Variants in TXNRD2 observed in about 807,000 individuals in gnomAD.
TXNRD2 encodes the protein thioredoxin reductase 2, mitochondrial.
In TXNRD2, 67 loss-of-function variants were observed where a neutral mutation model predicts 70.8. That is an observed-to-expected ratio of 0.95 (90% CI 0.78 to 1.16). The LOEUF is 1.16. Ranked by LOEUF, TXNRD2 falls within the 50% of genes most tolerant of loss-of-function variation. TXNRD2 has a pLI of 0.00. For missense variants in TXNRD2, 644 were observed against 719.9 expected (o/e 0.89, Z 1.21); for synonymous variants, 301 against 295.8 (o/e 1.02, Z -0.18).
rs1938744345 is a variant in TXNRD2 at position 19,880,849 on chromosome 22, G to A, written c.1087-132C>T. On this transcript the variant is annotated intron_variant, in intron 12 of 17. Coordinates refer to ENST00000400521, the MANE Select transcript of TXNRD2 (RefSeq NM_006440.5). ...CCCCAACACTGGCACCGAGCATGGT[G>A]ACGTACAGCATTCCCCCTAGAGCTC... 16 of 665,582 alleles carry A rather than the reference G, an allele frequency of 2.4e-5. No individual in the cohort carries two copies. In the South Asian group the frequency reaches 2.8e-4, roughly 12 times the overall value. 41.2% of individuals were successfully genotyped at this position (665,582 alleles called of 1,614,324 possible).
chr22:19,937,371 A>G (rs1230336073), intron 1 of TXNRD2, among the ~76,000 whole-genome samples: 2 of 152,218 alleles, frequency 1.3e-5, no homozygotes, highest in African/African-American at 2.4e-5. Context: ...ACAGGGTCAC[A>G]ATGAATTATA....
intron 2 of TXNRD2, among the ~76,000 whole-genome samples, chr22:19,925,177 A>G (rs766533726): frequency 7.9e-5 from 12 of 151,772 alleles, no homozygotes; most frequent in South Asian, 4.1e-4. Context: ...CCAGCTACTC[A>G]GGAGGCTGAG....
chr22:19,924,883 AAG>A (rs1941060559), intron 2 of TXNRD2, among the ~76,000 whole-genome samples: 1 of 152,088 alleles, frequency 6.6e-6, no homozygotes, highest in Admixed American at 6.5e-5. Flanking sequence ...AAAAGCAACC[AAG>A]ACACACTACA....
At chr22:19,909,750 A>G (rs1940271436) in intron 8 of TXNRD2, among the ~76,000 whole-genome samples, 1 of 130,974 alleles carries the variant, frequency 7.6e-6, no homozygotes, top group Non-Finnish European at 1.6e-5. Context: ...CACCACACAC[A>G]CCCACACCCT....
intron 13 of TXNRD2, 50 bp downstream of exon 13, chr22:19,880,572 C>G: frequency 6.4e-7 from 1 of 1,556,046 alleles, no homozygotes; most frequent in African/African-American, 1.4e-5. Flanking sequence ...GAGCTAGCCT[C>G]GAACTCAGCC....
intron 7 of TXNRD2, among the ~76,000 whole-genome samples, chr22:19,913,211 T>C (rs1437750792): frequency 2.0e-5 from 3 of 152,016 alleles, no homozygotes; most frequent in Non-Finnish European, 4.4e-5. Flanking sequence ...AAAACAGCGA[T>C]AAAACTGGCA....
chr22:19,876,888 C>A, intron 17 of TXNRD2, 152 bp downstream of exon 17: 2 of 512,640 alleles, frequency 3.9e-6, no homozygotes, highest in Non-Finnish European at 6.4e-6. Flanking sequence ...TTCTGCCTGT[C>A]ACCGCTGTGG....
At chr22:19,920,889 G>GT (rs1940878850) in intron 2 of TXNRD2, among the ~76,000 whole-genome samples, 1 of 152,186 alleles carries the variant, frequency 6.6e-6, no homozygotes, top group East Asian at 1.9e-4. Flanking sequence ...GATCACGAGG[G>GT]CAGGAGATCG....
At chr22:19,916,277 G>A in intron 5 of TXNRD2, 1 of 221,346 alleles carries the variant, frequency 4.5e-6, no homozygotes, top group Non-Finnish European at 9.1e-6. Flanking sequence ...GACAAGGCTG[G>A]CAAAACAGTG....
At chr22:19,919,452 G>T in intron 3 of TXNRD2, 91 bp downstream of exon 3, 1 of 1,146,232 alleles carries the variant, frequency 8.7e-7, no homozygotes, top group Non-Finnish European at 1.3e-6. Context: ...AGGGCTGAAG[G>T]ACTTTGGTGT....
At chr22:19,882,622 C>T (rs913924829) in intron 12 of TXNRD2, among the ~76,000 whole-genome samples, 2 of 152,232 alleles carry the variant, frequency 1.3e-5, no homozygotes, top group African/African-American at 4.8e-5. Context: ...ACTGACAGGT[C>T]TCGCTACAAA....
chr22:19,900,736 C>G (rs1340072450), intron 8 of TXNRD2, among the ~76,000 whole-genome samples: 1 of 136,712 alleles, frequency 7.3e-6, no homozygotes, highest in African/African-American at 3.0e-5. Flanking sequence ...GGCAACAGAG[C>G]AAGACTCCAT....
At chr22:19,892,009 A>G (rs1316795903) in intron 11 of TXNRD2, among the ~76,000 whole-genome samples, 1 of 152,296 alleles carries the variant, frequency 6.6e-6, no homozygotes, top group East Asian at 1.9e-4. Context: ...TCGGCCCCAC[A>G]CGGGAGCTCT....
In TXNRD2 at chr22:19,907,728, GCA is replaced by G. The variant is rs370136537; in HGVS notation, c.662+3647_662+3648del. Among the ~76,000 whole-genome samples the G allele has an allele frequency of 1.1e-3, 58 of 52,150 alleles. 1 individual carries two copies. Among genetic ancestry groups the G allele is most frequent in the Admixed American group, 2.3e-3 (8 of 3,432 alleles). 34.2% of individuals were successfully genotyped at this position (52,150 alleles called of 152,430 possible). On this transcript the variant is annotated intron_variant, in intron 8 of 17. Coordinates refer to ENST00000400521, the MANE Select transcript of TXNRD2 (RefSeq NM_006440.5). ...TGACCGCTCTCAGGAGAGTGTGGGCGCACCATGGGTAGCAGCGACCGCTCTCA... is the reference window on the plus strand; with the variant it reads ...TGACCGCTCTCAGGAGAGTGTGGGCGCCATGGGTAGCAGCGACCGCTCTCA...
chr22:19,888,656 C>A (rs564580410), intron 11 of TXNRD2, among the ~76,000 whole-genome samples: 59 of 152,256 alleles, frequency 3.9e-4, no homozygotes, highest in African/African-American at 1.3e-3. Flanking sequence ...GAGTGGGAGG[C>A]TCCAGGGCCG....
At chr22:19,927,584 G>A (rs1474771658) in intron 2 of TXNRD2, among the ~76,000 whole-genome samples, 2 of 150,310 alleles carry the variant, frequency 1.3e-5, no homozygotes, top group African/African-American at 4.9e-5. Context: ...AACCCGGGAG[G>A]TGGAGGTTGC....
intron 11 of TXNRD2, among the ~76,000 whole-genome samples, chr22:19,885,754 T>G (rs1406106116): frequency 1.3e-5 from 2 of 152,224 alleles, no homozygotes; most frequent in South Asian, 2.1e-4. Flanking sequence ...CACTCTCCTC[T>G]GCACGCTTGC....
chr22:19,883,523 T>C, intron 11 of TXNRD2, 62 bp from the exon 12 acceptor site: 1 of 1,609,034 alleles, frequency 6.2e-7, no homozygotes, highest in Non-Finnish European at 8.5e-7. Flanking sequence ...AGAGCGGTTG[T>C]GTTTAAACTG....
At position 19,895,453 on chromosome 22, in the gene TXNRD2, G is replaced by T. The variant is rs35695986; in HGVS notation, c.903C>A (p.Thr301=). 2.4e-3 allele frequency: 3,807 copies of T among 1,613,934 alleles called. 59 individuals carry two copies. In the African/African-American group the frequency reaches 0.04, roughly 17 times the overall value. The change falls in exon 11 of 18, where the codon ACC becomes ACA. Residue 301 remains threonine, a synonymous_variant. Coordinates refer to ENST00000400521, the MANE Select transcript of TXNRD2 (RefSeq NM_006440.5). ...QLQVTWEDST[T]GKEDTGTFDT... ...CAAAGGTGCCCGTGTCCTCCTTGCC[G>T]GTGGTGCTGTCCTCCCAGGTGACCT...
Sources: gnomAD v4.1 joint callset for allele counts (sites outside exome capture counted in the v4.1 genomes callset) on GRCh38, gnomAD v4.1.1 for gene constraint, MANE v1.5 for transcripts, NCBI Gene and HGNC (gene_info 2026-07-23, HGNC 2026-07-21) for gene names.